Variants in MATN2 observed in about 807,000 individuals in gnomAD.
MATN2 encodes matrilin-2.
Under a neutral mutation model 103.2 loss-of-function variants are expected in MATN2, and 69 were observed. The observed-to-expected ratio is 0.67, with a 90% CI of 0.55 to 0.82. MATN2 has a LOEUF of 0.82. Among genes scored for constraint, MATN2 ranks in the 40% least tolerant of loss-of-function variants. MATN2 has a pLI of 0.00. For missense variants in MATN2, 1,023 were observed against 1,211.5 expected (o/e 0.84, Z 2.31); for synonymous variants, 429 against 450.2 (o/e 0.95, Z 0.60).
intron 2 of MATN2, among the ~76,000 whole-genome samples, chr8:97,923,748 G>T (rs534873546): frequency 6.6e-6 from 1 of 152,210 alleles, no homozygotes; most frequent in East Asian, 1.9e-4. Context: ...GTAGAGACGG[G>T]GTTTCACCAT....
chr8:97,988,818 A>G (rs1812290503), intron 6 of MATN2, among the ~76,000 whole-genome samples: 2 of 152,358 alleles, frequency 1.3e-5, no homozygotes, highest in East Asian at 3.9e-4. Context: ...TGAAGAAGAA[A>G]GAACAATTTT....
chr8:97,978,948 TCCTA>T lies in MATN2; in HGVS notation c.1025_1028del (p.Tyr342PhefsTer20). ...ACATGAGTGTGTAAATGCTGATGGC[TCCTA>T]CCTTTGCCAGTGCCATGAAGGATTT... On this transcript the variant is annotated frameshift_variant, in exon 6 of 19. Coordinates refer to ENST00000254898, the MANE Select transcript of MATN2 (RefSeq NM_002380.5). LOFTEE classifies it high-confidence loss of function. 1.9e-6 allele frequency: 3 copies of T among 1,613,668 alleles called. No individual in the cohort carries two copies. Among genetic ancestry groups the T allele is most frequent in the Non-Finnish European group, 2.5e-6 (3 of 1,179,568 alleles).
chr8:98,015,362 C>A (rs1813322383), intron 10 of MATN2, among the ~76,000 whole-genome samples: 1 of 152,146 alleles, frequency 6.6e-6, no homozygotes, highest in South Asian at 2.1e-4. Context: ...GCAGTGACTG[C>A]CCTTCTCTTT....
At chr8:97,961,759 G>A (rs1320569653) in intron 5 of MATN2, among the ~76,000 whole-genome samples, 2 of 152,232 alleles carry the variant, frequency 1.3e-5, no homozygotes, top group Non-Finnish European at 2.9e-5. Context: ...GAACACTTAT[G>A]ATAATCCATG....
chr8:97,976,225 C>T (rs1811833096), intron 5 of MATN2, among the ~76,000 whole-genome samples: 1 of 152,026 alleles, frequency 6.6e-6, no homozygotes, highest in Non-Finnish European at 1.5e-5. Flanking sequence ...CTCCCTGCCT[C>T]AGCCTTCCGA....
At chr8:98,011,883 T>C (rs1423044029) in intron 10 of MATN2, among the ~76,000 whole-genome samples, 1 of 152,180 alleles carries the variant, frequency 6.6e-6, no homozygotes, top group Non-Finnish European at 1.5e-5. Context: ...GCAGGGCTGC[T>C]AGACAGGGAC....
At chr8:97,897,527 A>G (rs1248299108) in intron 2 of MATN2, among the ~76,000 whole-genome samples, 2 of 152,252 alleles carry the variant, frequency 1.3e-5, no homozygotes, top group Admixed American at 6.5e-5. Flanking sequence ...AGTAGCTGGC[A>G]TGTGTCTTTA....
intron 7 of MATN2, among the ~76,000 whole-genome samples, chr8:97,999,137 C>A (rs187351218): frequency 3.5e-4 from 54 of 152,328 alleles, no homozygotes; most frequent in African/African-American, 1.2e-3. Flanking sequence ...GGCATAATGT[C>A]TTCAAGGTTC....
intron 5 of MATN2, among the ~76,000 whole-genome samples, chr8:97,967,448 A>G (rs1811519066): frequency 6.6e-6 from 1 of 152,204 alleles, no homozygotes; most frequent in East Asian, 1.9e-4. Context: ...TTTAAAAAAA[A>G]AAAAAGAAAA....
chr8:98,015,040 C>T (rs1303993897), intron 10 of MATN2, among the ~76,000 whole-genome samples: 1 of 152,180 alleles, frequency 6.6e-6, no homozygotes, highest in Non-Finnish European at 1.5e-5. Context: ...CACAGGTTCA[C>T]AAACCTTCTA....
intron 14 of MATN2, among the ~76,000 whole-genome samples, chr8:98,029,277 T>A (rs1048463446): frequency 3.3e-5 from 5 of 152,234 alleles, no homozygotes; most frequent in African/African-American, 1.2e-4. Context: ...TAGCCTAGAT[T>A]GCTAGAGCTC....
intron 3 of MATN2, among the ~76,000 whole-genome samples, chr8:97,934,935 C>T (rs902918072): frequency 6.6e-6 from 1 of 152,136 alleles, no homozygotes; most frequent in Non-Finnish European, 1.5e-5. Flanking sequence ...TAATTTTTTT[C>T]CTTTTGGCAT....
intron 4 of MATN2, among the ~76,000 whole-genome samples, chr8:97,945,214 C>T (rs1197470997): frequency 6.6e-6 from 1 of 152,184 alleles, no homozygotes; most frequent in Non-Finnish European, 1.5e-5. Flanking sequence ...ACTATAGCCA[C>T]TTGTTAGGTG....
intron 4 of MATN2, among the ~76,000 whole-genome samples, chr8:97,948,154 C>T (rs1810814470): frequency 6.6e-6 from 1 of 152,106 alleles, no homozygotes; most frequent in Admixed American, 6.6e-5. Context: ...ACTGCATAGA[C>T]CACAGAAAGG....
intron 6 of MATN2, among the ~76,000 whole-genome samples, chr8:97,981,128 T>G (rs775716418): frequency 6.7e-6 from 1 of 150,244 alleles, no homozygotes; most frequent in African/African-American, 2.5e-5. Flanking sequence ...GGGGCTGTAG[T>G]GAGCCATGAT....
At chr8:97,897,969 C>G (rs537262510) in intron 2 of MATN2, among the ~76,000 whole-genome samples, 1 of 152,130 alleles carries the variant, frequency 6.6e-6, no homozygotes, top group African/African-American at 2.4e-5. Flanking sequence ...CCTCTCTCTC[C>G]CCTTCTTTCT....
At chr8:97,992,615 A>G (rs1006708280) in intron 6 of MATN2, among the ~76,000 whole-genome samples, 3 of 151,674 alleles carry the variant, frequency 2.0e-5, no homozygotes, top group Admixed American at 1.3e-4. Context: ...GCACAGTGGC[A>G]GGCGCCTGTA....
At chr8:97,986,603 C>T (rs1053934111) in intron 6 of MATN2, among the ~76,000 whole-genome samples, 1 of 152,188 alleles carries the variant, frequency 6.6e-6, no homozygotes. Flanking sequence ...CTGCAAATGC[C>T]ATTCTTTTGT....
At chr8:98,034,477 C>A (rs1814162710) in intron 18 of MATN2, among the ~76,000 whole-genome samples, 1 of 152,122 alleles carries the variant, frequency 6.6e-6, no homozygotes, top group South Asian at 2.1e-4. Flanking sequence ...TAGGGCAATT[C>A]CATTTCTGAA....
Sources: gnomAD v4.1 joint callset for allele counts (sites outside exome capture counted in the v4.1 genomes callset) on GRCh38, gnomAD v4.1.1 for gene constraint, MANE v1.5 for transcripts, NCBI Gene and HGNC (gene_info 2026-07-23, HGNC 2026-07-21) for gene names.